The following GMEB1 variants were observed in gnomAD, a reference collection of about 807,000 sequenced individuals.
GMEB1 encodes the protein glucocorticoid modulatory element binding protein 1.
Under a neutral mutation model 52.4 loss-of-function variants are expected in GMEB1, and 6 were observed. The observed-to-expected ratio is 0.11, with a 90% confidence interval of 0.06 to 0.23. GMEB1 has a LOEUF of 0.23. GMEB1 is among the 10% of genes least tolerant of loss of function. The probability of loss-of-function intolerance (pLI) is 1.00; values close to 1 mark genes in which losing one functional copy is unlikely to be tolerated. For missense variants in GMEB1, 486 were observed against 685.6 expected, an observed-to-expected ratio of 0.71 and a Z score of 3.25; for synonymous variants, 255 against 244.9, an observed-to-expected ratio of 1.04 and a Z score of -0.38.
intron 8 of GMEB1, among the ~76,000 whole-genome samples, chr1:28,709,057 C>T (rs1670919287): frequency 6.6e-6 from 1 of 151,660 alleles, no homozygotes; most frequent in Non-Finnish European, 1.5e-5. Flanking sequence ...TGGTGTGAAC[C>T]CGGGAGGTGG....
intron 1 of GMEB1, among the ~76,000 whole-genome samples, chr1:28,676,226 A>G (rs1182023796): frequency 1.3e-5 from 2 of 152,156 alleles, no homozygotes; most frequent in Admixed American, 6.6e-5. Context: ...AATTAGAAGC[A>G]TCCTTCTAAA....
At position 28,702,915 on chromosome 1, in the gene GMEB1, C is replaced by T. The variant is rs888575535; in HGVS notation, c.730+346C>T. On this transcript the variant is annotated intron_variant, in intron 7 of 9. Transcript: ENST00000373816. Reference sequence around the variant, plus strand: ...AAATACAAAAAAAAAATTAGCCGGGCGTGGTAGCAGGCGCCTGTAGTCCCA... The same window carrying T: ...AAATACAAAAAAAAAATTAGCCGGGTGTGGTAGCAGGCGCCTGTAGTCCCA... Among the ~76,000 whole-genome samples, 6 of 151,958 alleles carry T rather than the reference C, an allele frequency of 3.9e-5. No individual in the cohort carries two copies. The South Asian group carries it at 6.2e-4, about 16-fold the overall frequency.
chr1:28,706,659 C>T (rs1037813977), intron 8 of GMEB1, among the ~76,000 whole-genome samples: 3 of 149,620 alleles, frequency 2.0e-5, no homozygotes, highest in Admixed American at 6.7e-5. Context: ...TCAGTGAATT[C>T]TTATTTATTT....
At position 28,714,132 on chromosome 1, in the gene GMEB1, C is replaced by G. The variant is rs1442609515; in HGVS notation, c.1051C>G (p.Gln351Glu). Residue 351 changes from glutamine to glutamate, a missense_variant, in exon 10 of 10, where the codon CAG (glutamine) becomes GAG (glutamate). Gln to Glu is a conservative substitution (Grantham distance 29). Coordinates refer to ENST00000373816, the MANE Select transcript of GMEB1 (RefSeq NM_001319674.2). Reference protein sequence around the residue: ...KQGQDHRLKSQTVQNVVLMPV... With the variant: ...KQGQDHRLKSETVQNVVLMPV... ...AGGCCAGGATCACAGGCTGAAATCT[C>G]AGACAGTTCAAAATGTGGTACTGAT... 4 of 1,614,136 alleles carry G rather than the reference C, an allele frequency of 2.5e-6. No individual in the cohort carries two copies. The South Asian group carries it at 4.4e-5, about 18-fold the overall frequency.
intron 2 of GMEB1, among the ~76,000 whole-genome samples, chr1:28,686,953 A>G (rs1669675349): frequency 6.6e-6 from 1 of 152,154 alleles, no homozygotes; most frequent in African/African-American, 2.4e-5. Context: ...ACAAAACCCA[A>G]CGTACAGCTG....
intron 8 of GMEB1, among the ~76,000 whole-genome samples, chr1:28,707,409 A>C (rs1257523181): frequency 7.2e-5 from 11 of 152,120 alleles, no homozygotes; most frequent in African/African-American, 2.7e-4. Flanking sequence ...GGAAGCTCTT[A>C]AAGGAATTAG....
intron 9 of GMEB1, among the ~76,000 whole-genome samples, chr1:28,712,891 G>A (rs2124595744): frequency 6.6e-6 from 1 of 151,768 alleles, no homozygotes; most frequent in East Asian, 1.9e-4. Context: ...GGTGGCTCAC[G>A]CCTGTAATCC....
chr1:28,700,301 A>G (rs1051131915), intron 6 of GMEB1, among the ~76,000 whole-genome samples: 6 of 152,044 alleles, frequency 3.9e-5, no homozygotes, highest in African/African-American at 1.4e-4. Context: ...TCACAAGGTC[A>G]GGAGATGGAG....
rs745808642 is a variant in GMEB1, at chr1:28,699,262, A to C, written c.598+2178A>C. ...GCTCCTTACCATCCAGGAAAGATGT[A>C]ACTGTAAGATTATTATTAAGGATTT... On this transcript the variant is annotated intron_variant, in intron 6 of 9. Coordinates refer to ENST00000373816, the MANE Select transcript of GMEB1 (RefSeq NM_001319674.2). 1.2e-4 allele frequency among the ~76,000 whole-genome samples: 18 copies of C among 152,174 alleles called. 1 individual carries two copies. The highest frequency in any genetic ancestry group is 2.5e-4 in the Non-Finnish European group (17 of 68,034).
chr1:28,708,196 G>T (rs371469449), intron 8 of GMEB1, among the ~76,000 whole-genome samples: 2 of 152,014 alleles, frequency 1.3e-5, no homozygotes, highest in African/African-American at 4.8e-5. Flanking sequence ...ACCACACCTC[G>T]CTCTATCACC....
At chr1:28,669,559 G>A (rs920506896) in intron 1 of GMEB1, among the ~76,000 whole-genome samples, 1 of 152,054 alleles carries the variant, frequency 6.6e-6, no homozygotes, top group Non-Finnish European at 1.5e-5. Flanking sequence ...TCCAAAGGCA[G>A]GGAAGGAAGA....
chr1:28,688,392 C>T (rs1392058892), intron 2 of GMEB1, among the ~76,000 whole-genome samples: 3 of 152,104 alleles, frequency 2.0e-5, no homozygotes, highest in African/African-American at 7.2e-5. Context: ...TGGAGGTAGT[C>T]ATTGATACAA....
Position 28,719,087 on chromosome 1 carries a change from T to G in GMEB1, c.*4314T>G, listed in dbSNP as rs1270706705. ...TGAGTCATGCATGGGCTTCTCCAAG[T>G]TTCCATCAGATGGGATCCAGTGTTG... is the stretch of plus-strand genomic sequence containing the variant. On this transcript the variant is annotated 3_prime_UTR_variant, in exon 10 of 10. Transcript: ENST00000373816. 1 of 152,188 alleles carries G rather than the reference T, an allele frequency of 6.6e-6. No individual in the cohort carries two copies. Among genetic ancestry groups the G allele is most frequent in the Non-Finnish European group, 1.5e-5 (1 of 68,044 alleles). 9.4% of individuals were successfully genotyped at this position (152,188 alleles called of 1,614,324 possible).
chr1:28,710,625 T>A lies in GMEB1; in HGVS notation c.974T>A (p.Phe325Tyr). The A allele has an allele frequency of 6.2e-7, 1 of 1,601,140 alleles. No individual in the cohort carries two copies. The highest frequency in any genetic ancestry group is 8.5e-7 in the Non-Finnish European group (1 of 1,173,690). Residue 325 changes from phenylalanine to tyrosine, a missense_variant, in exon 9 of 10, where the codon TTT becomes TAT. Phe to Tyr is a conservative substitution (Grantham distance 22). Around this residue, in one of 5 missense-constraint regions of GMEB1, gnomAD observed 200 missense variants for 253.5 expected, o/e 0.79. Transcript: ENST00000373816. ...CAAGTAGAGCAGGGAGAAGAACAGTTTCTCTATACTCTGACAGGTATGTAT... is the reference window on the plus strand; with the variant it reads ...CAAGTAGAGCAGGGAGAAGAACAGTATCTCTATACTCTGACAGGTATGTAT... ...RNQVEQGEEQ[F>Y]LYTLTDLERQ...
At chr1:28,669,531 A>G (rs907645885) in intron 1 of GMEB1, among the ~76,000 whole-genome samples, 4 of 151,986 alleles carry the variant, frequency 2.6e-5, no homozygotes, top group African/African-American at 7.2e-5. Flanking sequence ...AGAACAAGGG[A>G]AAAAAGGGCA....
At chr1:28,690,072 AGTTT>A in intron 2 of GMEB1, 28 bp from the exon 3 acceptor site, 1 of 1,493,942 alleles carries the variant, frequency 6.7e-7, no homozygotes, top group South Asian at 1.2e-5. Context: ...TGATTTATGT[AGTTT>A]GTTTATCGAT....
At chr1:28,690,214 T>C in intron 3 of GMEB1, 28 bp downstream of exon 3, 1 of 1,081,338 alleles carries the variant, frequency 9.2e-7, no homozygotes. Flanking sequence ...TTTTTTTTTT[T>C]TTTTTTTTTT....
At chr1:28,682,643 C>G (rs1277301363) in intron 1 of GMEB1, among the ~76,000 whole-genome samples, 1 of 145,942 alleles carries the variant, frequency 6.9e-6, no homozygotes, top group Non-Finnish European at 1.5e-5. Flanking sequence ...AAAAAAAAGT[C>G]TTAGAGGTCA....
At chr1:28,701,688 C>G (rs1670525038) in intron 6 of GMEB1, among the ~76,000 whole-genome samples, 1 of 152,112 alleles carries the variant, frequency 6.6e-6, no homozygotes, top group Non-Finnish European at 1.5e-5. Flanking sequence ...CCCACCTCAG[C>G]CTCCTGAGTA....
Sources: gnomAD v4.1 joint callset for allele counts (sites outside exome capture counted in the v4.1 genomes callset) on GRCh38, gnomAD v4.1.1 for gene constraint, gnomAD v4.1.1 regional missense constraint, MANE v1.5 for transcripts, NCBI Gene and HGNC (gene_info 2026-07-23, HGNC 2026-07-21) for gene names.